The following CBLB variants were observed in gnomAD, a reference collection of about 807,000 sequenced individuals.
CBLB encodes Cbl proto-oncogene B.
In CBLB, 31 loss-of-function variants were observed where a neutral mutation model predicts 104.9. That is an observed-to-expected ratio of 0.30 (90% CI 0.22 to 0.40). The LOEUF (loss-of-function observed/expected upper bound fraction) is 0.40. Ranked by LOEUF, CBLB falls within the 10% of genes least tolerant of loss-of-function variation. The pLI is 1.00. For missense variants in CBLB, 1,062 were observed against 1,214.6 expected, an observed-to-expected ratio of 0.87 and a Z score of 1.87; for synonymous variants, 440 against 422.6, an observed-to-expected ratio of 1.04 and a Z score of -0.51.
chr3:105,830,448 C>T (rs1282978430), intron 3 of CBLB, among the ~76,000 whole-genome samples: 1 of 151,994 alleles, frequency 6.6e-6, no homozygotes, highest in African/African-American at 2.4e-5. Flanking sequence ...GTTGGTAACC[C>T]GGATACAGAA....
At chr3:105,754,523 C>CAGAGAGAGAGAG (rs1207514486) in intron 4 of CBLB, among the ~76,000 whole-genome samples, 7 of 102,756 alleles carry the variant, frequency 6.8e-5, no homozygotes, top group African/African-American at 2.3e-4. Flanking sequence ...GAGAGAGAGA[C>CAGAGAGAGAGAG]AGAGAGAGAG....
At chr3:105,716,346 T>C (rs1354774771) in intron 10 of CBLB, among the ~76,000 whole-genome samples, 1 of 152,176 alleles carries the variant, frequency 6.6e-6, no homozygotes, top group Admixed American at 6.5e-5. Flanking sequence ...GGAGTGTGCA[T>C]TTATTAGTTC....
rs186899588 is a variant in CBLB, at chr3:105,852,928, G to A, written c.419+486C>T. 3.9e-3 allele frequency among the ~76,000 whole-genome samples: 593 copies of A among 152,134 alleles called. 1 individual carries two copies. The highest frequency in any genetic ancestry group is 4.8e-3 in the Non-Finnish European group (327 of 68,002). On this transcript the variant is annotated intron_variant, in intron 3 of 18. Transcript: ENST00000394030. ...GACAGGGTTTCTCCATGTTGGTCAGGCTGGTCTCGAACTCCCGACCTCAAG... is the reference window on the plus strand; with the variant it reads ...GACAGGGTTTCTCCATGTTGGTCAGACTGGTCTCGAACTCCCGACCTCAAG...
At position 105,693,533 on chromosome 3, in the gene CBLB, G is replaced by A; in HGVS notation, c.2015C>T (p.Ser672Phe). The change falls in exon 13 of 19, where the codon TCT (serine) becomes TTT (phenylalanine). Residue 672 changes from serine to phenylalanine, a missense_variant. By Grantham distance (155) the Ser-to-Phe change is radical. This residue lies in a region of CBLB where 605 missense variants were observed against 582.6 expected (regional missense o/e 1.04). Coordinates refer to ENST00000394030, the MANE Select transcript of CBLB (RefSeq NM_170662.5). ...SEEYDVPPRL[S>F]PPPPVTTLLP... ...GAGGGTGGTAACTGGAGGAGGAGGA[G>A]AAAGCCGGGGAGGAACATCATATTC... 6.2e-7 allele frequency: 1 copy of A among 1,612,750 alleles called. No individual in the cohort carries two copies.
chr3:105,829,162 T>C (rs573015894), intron 3 of CBLB, among the ~76,000 whole-genome samples: 1 of 152,028 alleles, frequency 6.6e-6, no homozygotes, highest in African/African-American at 2.4e-5. Flanking sequence ...TGAAAAAAAA[T>C]TAAAAATGCC....
intron 12 of CBLB, 50 bp from the exon 13 acceptor site, chr3:105,693,638 C>T (rs1390610500): frequency 1.6e-6 from 2 of 1,246,418 alleles, no homozygotes; most frequent in South Asian, 1.2e-5. Context: ...TTCTGAAGGA[C>T]CTTAAAGCCA....
intron 4 of CBLB, among the ~76,000 whole-genome samples, chr3:105,774,872 A>G (rs2079271156): frequency 6.6e-6 from 1 of 152,148 alleles, no homozygotes; most frequent in African/African-American, 2.4e-5. Context: ...TTTGTCCTAT[A>G]TATTTTCTTA....
rs1248842712 is a variant in CBLB at position 105,704,053 on chromosome 3, G to A, written c.1528C>T (p.Arg510Cys). The change falls in exon 11 of 19, where the codon CGC (arginine) becomes TGC (cysteine). Residue 510 changes from arginine (R) to cysteine (C), a missense_variant. Transcript: ENST00000394030. ...ATGCCTTTCTGAATTAGATCCAGGC[G>A]AGGAGGCACGGGTGGCAGGCTTAGA... is the stretch of plus-strand genomic sequence containing the variant. ...PHLSLPPVPP[R>C]LDLIQKGIVR... 8.7e-6 allele frequency: 14 copies of A among 1,614,162 alleles called. No individual in the cohort carries two copies. Among genetic ancestry groups the A allele is most frequent in the Admixed American group, 3.3e-5 (2 of 60,030 alleles).
intron 6 of CBLB, among the ~76,000 whole-genome samples, chr3:105,741,545 G>A (rs1418849607): frequency 3.3e-5 from 5 of 152,094 alleles, no homozygotes; most frequent in South Asian, 2.1e-4. Context: ...ACAGGTGCCC[G>A]CCACCACACC....
intron 3 of CBLB, among the ~76,000 whole-genome samples, chr3:105,849,977 TATA>T (rs1021488344): frequency 2.6e-5 from 4 of 152,136 alleles, no homozygotes; most frequent in African/African-American, 9.6e-5. Flanking sequence ...AAACAATCAC[TATA>T]ATATTTCTCT....
At chr3:105,680,452 A>G (rs569341975) in intron 16 of CBLB, among the ~76,000 whole-genome samples, 12 of 152,354 alleles carry the variant, frequency 7.9e-5, no homozygotes, top group African/African-American at 2.9e-4. Context: ...CACCACAGAA[A>G]GCTTTATTGA....
At chr3:105,662,471 C>G (rs181563080) in intron 18 of CBLB, among the ~76,000 whole-genome samples, 43 of 152,274 alleles carry the variant, frequency 2.8e-4, no homozygotes, top group Admixed American at 1.2e-3. Flanking sequence ...CTAGTGCTAC[C>G]ATCCATGTTC....
intron 3 of CBLB, among the ~76,000 whole-genome samples, chr3:105,849,326 C>T (rs2090662985): frequency 6.6e-6 from 1 of 152,014 alleles, no homozygotes; most frequent in African/African-American, 2.4e-5. Context: ...GTAAACAGAA[C>T]AAGGATAACA....
At chr3:105,774,288 A>C (rs1164360123) in intron 4 of CBLB, among the ~76,000 whole-genome samples, 1 of 152,216 alleles carries the variant, frequency 6.6e-6, no homozygotes, top group Non-Finnish European at 1.5e-5. Context: ...GAAAAAAAAA[A>C]TTCAACCTTT....
At chr3:105,695,679 G>C (rs1489597002) in intron 12 of CBLB, among the ~76,000 whole-genome samples, 2 of 151,744 alleles carry the variant, frequency 1.3e-5, no homozygotes, top group African/African-American at 4.8e-5. Context: ...CTGATGTATA[G>C]TAACTAAAGG....
At chr3:105,818,976 C>T (rs2085444830) in intron 3 of CBLB, among the ~76,000 whole-genome samples, 1 of 152,198 alleles carries the variant, frequency 6.6e-6, no homozygotes, top group African/African-American at 2.4e-5. Flanking sequence ...CCTGACTTAA[C>T]TTCATAATTG....
chr3:105,690,116 T>C (rs2067488222), intron 13 of CBLB, among the ~76,000 whole-genome samples: 1 of 152,176 alleles, frequency 6.6e-6, no homozygotes. Flanking sequence ...TAAATATTTA[T>C]AACAACATAG....
intron 6 of CBLB, among the ~76,000 whole-genome samples, chr3:105,742,650 A>G (rs2075725828): frequency 6.6e-6 from 1 of 152,346 alleles, no homozygotes; most frequent in East Asian, 1.9e-4. Context: ...GGACATTATT[A>G]AAATGTTACA....
intron 2 of CBLB, among the ~76,000 whole-genome samples, chr3:105,861,526 T>C (rs2092085743): frequency 6.6e-6 from 1 of 151,948 alleles, no homozygotes; most frequent in Non-Finnish European, 1.5e-5. Context: ...CTTCTACTTG[T>C]TCCTACTCTT....
Sources: allele counts gnomAD v4.1 joint callset (sites outside exome capture counted in the v4.1 genomes callset), GRCh38; gene constraint gnomAD v4.1.1; regional missense constraint gnomAD v4.1.1; transcripts MANE v1.5; gene names NCBI Gene and HGNC (gene_info 2026-07-23, HGNC 2026-07-21).